Variants in BTBD9 observed in about 807,000 individuals in gnomAD.
BTBD9 encodes the protein BTB domain containing 9, also known as BTB/POZ domain-containing protein 9.
BTBD9 carries 49 observed loss-of-function variants against 64.3 expected under a neutral mutation model. That is an observed-to-expected ratio of 0.76 (90% CI 0.61 to 0.97). The LOEUF (loss-of-function observed/expected upper bound fraction) is 0.97, where lower values mean the gene tolerates loss of function less well. Ranked by LOEUF, BTBD9 falls within the 50% of genes least tolerant of loss-of-function variation. The probability of loss-of-function intolerance (pLI) is 0.00; values close to 1 mark genes in which losing one functional copy is unlikely to be tolerated. For missense variants in BTBD9, 598 were observed against 762.1 expected, an observed-to-expected ratio of 0.78 and a Z score of 2.53; for synonymous variants, 260 against 274.7, an observed-to-expected ratio of 0.95 and a Z score of 0.53.
At chr6:38,413,674 G>A (rs1767540055) in intron 6 of BTBD9, among the ~76,000 whole-genome samples, 1 of 151,890 alleles carries the variant, frequency 6.6e-6, no homozygotes, top group Admixed American at 6.6e-5. Flanking sequence ...TCATTTTCCT[G>A]TACAAACATT....
chr6:38,487,872 G>A (rs556969669), intron 6 of BTBD9, among the ~76,000 whole-genome samples: 1 of 152,242 alleles, frequency 6.6e-6, no homozygotes, highest in Admixed American at 6.5e-5. Flanking sequence ...TTGTAACAGA[G>A]ACTTTATGTT....
intron 1 of BTBD9, among the ~76,000 whole-genome samples, chr6:38,604,304 C>T (rs981352625): frequency 6.6e-6 from 1 of 151,234 alleles, no homozygotes; most frequent in Admixed American, 6.6e-5. Flanking sequence ...TATAAATATG[C>T]TCCGGTTTGA....
At chr6:38,194,589 C>A (rs1762210495) in intron 9 of BTBD9, among the ~76,000 whole-genome samples, 2 of 152,214 alleles carry the variant, frequency 1.3e-5, no homozygotes, top group East Asian at 3.8e-4. Flanking sequence ...TAGTCCTCAA[C>A]AACATGCGTG....
intron 9 of BTBD9, among the ~76,000 whole-genome samples, chr6:38,219,129 CTTTTTTTT>C (rs5875622): frequency 4.2e-5 from 3 of 70,894 alleles, no homozygotes; most frequent in African/African-American, 1.3e-4. Flanking sequence ...ACTTTCTTTT[CTTTTTTTT>C]TTTTTTTTTT....
At chr6:38,302,793 TC>T (rs1373261644) in intron 7 of BTBD9, among the ~76,000 whole-genome samples, 5 of 151,980 alleles carry the variant, frequency 3.3e-5, no homozygotes, top group Admixed American at 1.3e-4. Flanking sequence ...TTTCTCCACA[TC>T]CATGCCTGCA....
chr6:38,581,811 ATGT>A (rs1301989305), intron 4 of BTBD9, among the ~76,000 whole-genome samples: 7 of 152,202 alleles, frequency 4.6e-5, no homozygotes, highest in Admixed American at 4.6e-4. Flanking sequence ...AAATGAGATG[ATGT>A]TTGTAAAGCA....
chr6:38,192,058 A>G (rs923039876), intron 10 of BTBD9, among the ~76,000 whole-genome samples: 2 of 152,156 alleles, frequency 1.3e-5, no homozygotes, highest in African/African-American at 2.4e-5. Flanking sequence ...ATCATTTCCT[A>G]TGCTGCCTCT....
chr6:38,321,990 AAAAGAGCCTTCTAAC>A (rs1763253508), intron 7 of BTBD9, among the ~76,000 whole-genome samples: 1 of 151,832 alleles, frequency 6.6e-6, no homozygotes, highest in Admixed American at 6.6e-5. Context: ...ACATTTCCTA[AAAAGAGCCTTCTAAC>A]AAAGGATTGC....
intron 9 of BTBD9, among the ~76,000 whole-genome samples, chr6:38,202,687 G>A (rs1045261599): frequency 1.3e-5 from 2 of 152,096 alleles, no homozygotes; most frequent in African/African-American, 4.8e-5. Context: ...TCAATAAATG[G>A]TGCTGGGAAA....
At chr6:38,610,426 G>A (rs1417501564) in intron 1 of BTBD9, among the ~76,000 whole-genome samples, 2 of 152,198 alleles carry the variant, frequency 1.3e-5, no homozygotes, top group Admixed American at 6.5e-5. Flanking sequence ...ATTCCATGCA[G>A]ACAACACAGC....
Position 38,502,904 on chromosome 6 carries a change from TCA to T in BTBD9, c.1154+74694_1154+74695del, listed in dbSNP as rs369119621. 1.1e-4 allele frequency among the ~76,000 whole-genome samples: 17 copies of T among 152,268 alleles called. No homozygotes were observed. In the East Asian group the frequency reaches 3.3e-3, roughly 29 times the overall value. On this transcript the variant is annotated intron_variant, in intron 6 of 10. Transcript: ENST00000481247. ...TAAATAAGCTTTACTGTCCAAGAAC[TCA>T]CACTCTGAAAGGGAAAACAGGTAAA...
intron 6 of BTBD9, among the ~76,000 whole-genome samples, chr6:38,545,855 T>TACACACACACACACACACACACACAC: frequency 7.7e-6 from 1 of 130,644 alleles, no homozygotes; most frequent in South Asian, 2.8e-4. Context: ...CACACACACA[T>TACACACACACACACACACACACACAC]ACACACACAC....
chr6:38,458,552 T>C (rs1157470586), intron 6 of BTBD9, among the ~76,000 whole-genome samples: 1 of 152,176 alleles, frequency 6.6e-6, no homozygotes, highest in South Asian at 2.1e-4. Context: ...TCTAGCTTTA[T>C]TGGAAGGAAA....
chr6:38,220,516 T>C (rs1763165598), intron 9 of BTBD9, among the ~76,000 whole-genome samples: 1 of 152,254 alleles, frequency 6.6e-6, no homozygotes, highest in African/African-American at 2.4e-5. Context: ...GATCTTTTAC[T>C]CAACTCTCAT....
chr6:38,286,332 C>T (rs1252567544), intron 8 of BTBD9, among the ~76,000 whole-genome samples: 2 of 152,142 alleles, frequency 1.3e-5, no homozygotes, highest in African/African-American at 2.4e-5. Flanking sequence ...ATCAATAAAC[C>T]TTTGCTTATT....
chr6:38,282,276 T>C (rs1761540594), intron 8 of BTBD9, among the ~76,000 whole-genome samples: 1 of 152,224 alleles, frequency 6.6e-6, no homozygotes, highest in Non-Finnish European at 1.5e-5. Flanking sequence ...GTAATTTCTC[T>C]CTCTTTTCTT....
chr6:38,278,882 T>G (rs759216419), intron 8 of BTBD9, among the ~76,000 whole-genome samples: 7 of 152,286 alleles, frequency 4.6e-5, no homozygotes, highest in Admixed American at 6.5e-5. Context: ...TCCTGACCAT[T>G]AAGTCTTAAG....
chr6:38,330,384 G>T (rs967803219), intron 7 of BTBD9, among the ~76,000 whole-genome samples: 6 of 152,086 alleles, frequency 3.9e-5, no homozygotes, highest in South Asian at 2.1e-4. Flanking sequence ...TTTGCCAACA[G>T]GATTTTAAAA....
intron 6 of BTBD9, among the ~76,000 whole-genome samples, chr6:38,473,366 T>C (rs776845017): frequency 6.6e-6 from 1 of 152,248 alleles, no homozygotes; most frequent in African/African-American, 2.4e-5. Context: ...AGATTGGTAC[T>C]GGCATGCTGA....
Sources: allele counts gnomAD v4.1 joint callset (sites outside exome capture counted in the v4.1 genomes callset), GRCh38; gene constraint gnomAD v4.1.1; transcripts MANE v1.5; gene names NCBI Gene and HGNC (gene_info 2026-07-23, HGNC 2026-07-21).